The following SNX15 variants were observed in gnomAD, a reference collection of about 807,000 sequenced individuals.
SNX15 encodes sorting nexin 15.
Under a neutral mutation model 35.2 loss-of-function variants are expected in SNX15, and 29 were observed. The observed-to-expected ratio is 0.82, with a 90% CI of 0.61 to 1.12. The LOEUF (loss-of-function observed/expected upper bound fraction) is 1.12. SNX15 is among the 50% of genes most tolerant of loss of function. The pLI is 0.00. For synonymous variants in SNX15, 189 were observed against 188.2 expected (o/e 1.00, Z -0.03); for missense variants, 400 against 451.5 (o/e 0.89, Z 1.03).
Position 65,038,808 on chromosome 11 carries a change from G to A in SNX15, c.901G>A (p.Val301Ile), listed in dbSNP as rs772136846. ...CCAGGGCTATCGAGACGGCGTGCAC[G>A]TCTTGCTTCAGGGAGTCCCCAGTGA... ...ALQGYRDGVH[V>I]LLQGVPSDPL... Residue 301 changes from valine (V) to isoleucine (I), a missense_variant, in exon 7 of 8, where the codon GTC becomes ATC. Val to Ile is a conservative substitution (Grantham distance 29, BLOSUM62 3). Transcript: ENST00000377244. The A allele has an allele frequency of 7.5e-6, 12 of 1,590,728 alleles. No individual in the cohort carries two copies. The highest frequency in any genetic ancestry group is 1.7e-4 in the Middle Eastern group (1 of 6,038).
intron 1 of SNX15, among the ~76,000 whole-genome samples, chr11:65,030,501 A>AT (rs1225099649): frequency 0.029 from 3,859 of 131,866 alleles, 109 homozygotes; most frequent in African/African-American, 0.053. Context: ...CTGGCCTATA[A>AT]TTTTTTTTTT....
At chr11:65,029,010 G>A (rs1332399964) in intron 1 of SNX15, among the ~76,000 whole-genome samples, 2 of 152,050 alleles carry the variant, frequency 1.3e-5, no homozygotes, top group Admixed American at 6.6e-5. Context: ...AGAATGGAGT[G>A]AACCCGGGAG....
At chr11:65,030,279 CG>C (rs1381426257) in intron 1 of SNX15, among the ~76,000 whole-genome samples, 3 of 150,988 alleles carry the variant, frequency 2.0e-5, no homozygotes, top group African/African-American at 7.3e-5. Flanking sequence ...TGCTTGAACC[CG>C]GGAGGCAGAG....
rs747153458 is a variant in SNX15, at chr11:65,039,029, C to CTTTTTTTTTTTTTTTTT, written c.922+203_922+219dup. On this transcript the variant is annotated intron_variant, in intron 7 of 7. Transcript: ENST00000377244. ...TTGTGGCCTCAGTTTTCTTCTTCCT[C>CTTTTTTTTTTTTTTTTT]TTTTTTTTTTTTTTTTTTTGAGACA... is the stretch of plus-strand genomic sequence containing the variant. 2.6e-4 allele frequency among the ~76,000 whole-genome samples: 19 copies of CTTTTTTTTTTTTTTTTT among 72,504 alleles called. 3 individuals carry two copies. Among genetic ancestry groups the CTTTTTTTTTTTTTTTTT allele is most frequent in the African/African-American group, 4.1e-4 (9 of 21,856 alleles). The allele number at this position is 72,504 out of a possible 152,430, so 47.6% of individuals were successfully genotyped here.
rs988026487 is a variant in SNX15, at chr11:65,035,636, G to A, written c.637G>A (p.Ala213Thr). 1 of 1,611,412 alleles carries A rather than the reference G, an allele frequency of 6.2e-7. No homozygotes were observed. The highest frequency in any genetic ancestry group is 1.3e-5 in the African/African-American group (1 of 74,802). ...ARGPLTEAEL[A>T]LFDPFSKEEG... is the part of the protein sequence containing the mutation. ...AGGCCCCCTCACCGAGGCTGAGCTT[G>A]CCCTCTTCGACCCCTTCTCCAAGGA... Residue 213 changes from alanine (A) to threonine (T), a missense_variant, in exon 6 of 8, where the codon GCC becomes ACC. Physicochemically the swap from Ala to Thr is moderately conservative, Grantham distance 58. Coordinates refer to ENST00000377244, the MANE Select transcript of SNX15 (RefSeq NM_013306.5).
Position 65,033,325 on chromosome 11 carries a change from A to G in SNX15, c.256+774A>G, listed in dbSNP as rs546907998. Among the ~76,000 whole-genome samples, 3 of 152,072 alleles carry G rather than the reference A, an allele frequency of 2.0e-5. No homozygotes were observed. The South Asian group carries it at 6.2e-4, about 32-fold the overall frequency. ...TTTGGGAGGCCGAGGCAAGCGAATC[A>G]CGAGATCAGGAGTTTGAGACCAGCC... On this transcript the variant is annotated intron_variant, in intron 3 of 7. Coordinates refer to ENST00000377244, the MANE Select transcript of SNX15 (RefSeq NM_013306.5).
chr11:65,032,072 C>T (rs1420677144), intron 1 of SNX15, 96 bp from the exon 2 acceptor site: 3 of 1,237,372 alleles, frequency 2.4e-6, no homozygotes, highest in East Asian at 2.3e-5. Context: ...GCTACTGCCC[C>T]GTGAGGGGGA....
intron 6 of SNX15, chr11:65,036,766 C>T (rs481446): frequency 0.12 from 18,241 of 151,618 alleles, 1,443 homozygotes; most frequent in South Asian, 0.22. Context: ...CTCCGCCTCC[C>T]GGATTCAAGC....
At chr11:65,039,029 C>CTTTTTGTTTTTTTTTTTTTTTTTT (rs1946538203) in intron 7 of SNX15, among the ~76,000 whole-genome samples, 200 bp downstream of exon 7, 1 of 72,528 alleles carries the variant, frequency 1.4e-5, no homozygotes, top group Non-Finnish European at 3.1e-5. Flanking sequence ...TCTTCTTCCT[C>CTTTTTGTTTTTTTTTTTTTTTTTT]TTTTTTTTTT....
At chr11:65,032,816 A>G (rs1001023139) in intron 3 of SNX15, among the ~76,000 whole-genome samples, 50 of 152,162 alleles carry the variant, frequency 3.3e-4, no homozygotes, top group African/African-American at 1.2e-3. Flanking sequence ...TGGGAGGCCA[A>G]GGCAAAACTC....
intron 1 of SNX15, among the ~76,000 whole-genome samples, chr11:65,030,473 C>T (rs924619057): frequency 6.8e-6 from 1 of 148,048 alleles, no homozygotes; most frequent in Admixed American, 6.7e-5. Flanking sequence ...GATTACAGGC[C>T]ACCATGACCC....
At chr11:65,032,281 C>T (rs768548859) in intron 2 of SNX15, 78 bp downstream of exon 2, 3 of 1,574,154 alleles carry the variant, frequency 1.9e-6, no homozygotes, top group South Asian at 2.2e-5. Flanking sequence ...GGTAACTCTG[C>T]TTGGACATCG....
At chr11:65,035,004 C>T (rs963867761) in intron 4 of SNX15, 42 bp downstream of exon 4, 6 of 1,613,360 alleles carry the variant, frequency 3.7e-6, no homozygotes, top group Non-Finnish European at 5.1e-6. Context: ...GGCCACTTAC[C>T]CACCCACCAG....
At chr11:65,029,544 T>C (rs987335174) in intron 1 of SNX15, among the ~76,000 whole-genome samples, 1 of 148,844 alleles carries the variant, frequency 6.7e-6, no homozygotes, top group African/African-American at 2.4e-5. Flanking sequence ...ATATAATAAA[T>C]ATAAAATATA....
intron 1 of SNX15, among the ~76,000 whole-genome samples, chr11:65,030,353 CA>C (rs201609462): frequency 3.3e-5 from 5 of 149,884 alleles, no homozygotes; most frequent in Non-Finnish European, 5.9e-5. Flanking sequence ...GACTCCATCT[CA>C]AAAAAAAATT....
At chr11:65,035,429 G>A (rs1193317717) in intron 5 of SNX15, 91 bp from the exon 6 acceptor site, 3 of 1,417,108 alleles carry the variant, frequency 2.1e-6, no homozygotes, top group Non-Finnish European at 2.9e-6. Flanking sequence ...TATGCCCATG[G>A]TTGCTGCAAG....
Position 65,039,853 on chromosome 11 carries a change from C to G in SNX15, c.*61C>G. The G allele has an allele frequency of 8.5e-7, 1 of 1,173,716 alleles. No individual in the cohort carries two copies. Among genetic ancestry groups the G allele is most frequent in the South Asian group, 1.3e-5 (1 of 76,530 alleles). The allele number at this position is 1,173,716 out of a possible 1,614,324, so 72.7% of individuals were successfully genotyped here. On this transcript the variant is annotated 3_prime_UTR_variant, in exon 8 of 8. Transcript: ENST00000377244. Reference sequence around the variant, plus strand: ...GCACTGCCAGCCCCTTCTCCTCTCCCCAGGGCCTGGCCCTACCTCCTGGTC... The same window carrying G: ...GCACTGCCAGCCCCTTCTCCTCTCCGCAGGGCCTGGCCCTACCTCCTGGTC...
intron 3 of SNX15, among the ~76,000 whole-genome samples, chr11:65,033,768 T>G (rs1280938810): frequency 6.6e-6 from 1 of 151,974 alleles, no homozygotes; most frequent in East Asian, 1.9e-4. Context: ...AGTGGCATGA[T>G]ATCAGCTCAC....
intron 1 of SNX15, 77 bp downstream of exon 1, chr11:65,027,713 A>C (rs925119008): frequency 4.7e-6 from 5 of 1,066,426 alleles, no homozygotes; most frequent in Admixed American, 1.8e-5. Context: ...AAGGCGGTGC[A>C]GCCACTGCTC....
Sources: allele counts gnomAD v4.1 joint callset (sites outside exome capture counted in the v4.1 genomes callset), GRCh38; gene constraint gnomAD v4.1.1; transcripts MANE v1.5; gene names NCBI Gene and HGNC (gene_info 2026-07-23, HGNC 2026-07-21).